Variants in BTBD9 observed in about 807,000 individuals in gnomAD.
BTBD9 encodes the protein BTB/POZ domain-containing protein 9.
Under a neutral mutation model 64.3 loss-of-function variants are expected in BTBD9, and 49 were observed. That is an observed-to-expected ratio of 0.76 (90% CI 0.61 to 0.97). The LOEUF (loss-of-function observed/expected upper bound fraction) is 0.97, where lower values mean the gene tolerates loss of function less well. BTBD9 is among the 50% of genes least tolerant of loss of function. BTBD9 has a pLI of 0.00. For missense variants in BTBD9, 598 were observed against 762.1 expected, an observed-to-expected ratio of 0.78 and a Z score of 2.53; for synonymous variants, 260 against 274.7, an observed-to-expected ratio of 0.95 and a Z score of 0.53.
chr6:38,203,369 A>G (rs1762529476), intron 9 of BTBD9, among the ~76,000 whole-genome samples: 1 of 152,178 alleles, frequency 6.6e-6, no homozygotes, highest in African/African-American at 2.4e-5. Flanking sequence ...CATGCAATCT[A>G]CCAAATGATC....
chr6:38,565,379 A>C (rs543150270), intron 6 of BTBD9, among the ~76,000 whole-genome samples: 13 of 152,290 alleles, frequency 8.5e-5, no homozygotes, highest in African/African-American at 2.9e-4. Context: ...CCCTCAAAAC[A>C]GTCTCCAGAC....
At chr6:38,327,824 A>G (rs1220222319) in intron 7 of BTBD9, among the ~76,000 whole-genome samples, 2 of 152,218 alleles carry the variant, frequency 1.3e-5, no homozygotes, top group African/African-American at 4.8e-5. Flanking sequence ...TTTGGTATCT[A>G]TCATCTAGAT....
intron 6 of BTBD9, among the ~76,000 whole-genome samples, chr6:38,492,612 A>G (rs1771752437): frequency 6.6e-6 from 1 of 152,184 alleles, no homozygotes; most frequent in East Asian, 1.9e-4. Context: ...AATAAACATA[A>G]TTTTTTATTT....
chr6:38,412,972 G>T (rs1158900650), intron 6 of BTBD9, among the ~76,000 whole-genome samples: 1 of 152,080 alleles, frequency 6.6e-6, no homozygotes, highest in Non-Finnish European at 1.5e-5. Context: ...GTTGCACATG[G>T]ACTATATAAA....
At chr6:38,619,066 ACT>A (rs1380820426) in intron 1 of BTBD9, among the ~76,000 whole-genome samples, 1 of 152,176 alleles carries the variant, frequency 6.6e-6, no homozygotes, top group Non-Finnish European at 1.5e-5. Flanking sequence ...GTCCACCATA[ACT>A]CAGGGAAAGG....
intron 6 of BTBD9, among the ~76,000 whole-genome samples, chr6:38,530,114 A>G (rs1490108524): frequency 6.6e-6 from 1 of 152,096 alleles, no homozygotes; most frequent in Admixed American, 6.6e-5. Flanking sequence ...TGAGATAAGG[A>G]CTGAGATACG....
chr6:38,417,815 C>T (rs751926572), intron 6 of BTBD9, among the ~76,000 whole-genome samples: 12 of 105,398 alleles, frequency 1.1e-4, no homozygotes, highest in Non-Finnish European at 2.3e-4. Flanking sequence ...AAAATATTGA[C>T]ACATAACTGG....
At chr6:38,356,118 G>A (rs940255957) in intron 6 of BTBD9, among the ~76,000 whole-genome samples, 2 of 151,790 alleles carry the variant, frequency 1.3e-5, no homozygotes, top group Admixed American at 6.6e-5. Flanking sequence ...ACCATGTCCT[G>A]CTCTTGGAGC....
At position 38,466,769 on chromosome 6, in the gene BTBD9, G is replaced by C. The variant is rs79493718; in HGVS notation, c.1154+110831C>G. Among the ~76,000 whole-genome samples, 968 of 152,082 alleles carry C rather than the reference G, an allele frequency of 6.4e-3. 7 individuals carry two copies. Among genetic ancestry groups the C allele is most frequent in the Non-Finnish European group, 9.9e-3 (672 of 67,968 alleles). ...ATTTTTGTATTTTTAGTGGAGAAAG[G>C]GTTCTGTAATGTTGGCCAGGCTGGT... On this transcript the variant is annotated intron_variant, in intron 6 of 10. Transcript: ENST00000481247.
intron 9 of BTBD9, among the ~76,000 whole-genome samples, chr6:38,212,368 G>A (rs1433820481): frequency 6.6e-6 from 1 of 152,204 alleles, no homozygotes; most frequent in East Asian, 1.9e-4. Flanking sequence ...GGGCTACTCT[G>A]GGCCAGCCTG....
intron 6 of BTBD9, among the ~76,000 whole-genome samples, chr6:38,469,445 C>A (rs116345219): frequency 6.6e-6 from 1 of 151,644 alleles, no homozygotes; most frequent in African/African-American, 2.4e-5. Context: ...CAGCCTCCAG[C>A]GTAGCTGGGA....
At chr6:38,503,023 T>C (rs753874123) in intron 6 of BTBD9, among the ~76,000 whole-genome samples, 4 of 152,140 alleles carry the variant, frequency 2.6e-5, no homozygotes, top group African/African-American at 9.7e-5. Flanking sequence ...TTGGTGGAAA[T>C]AGGGGAAAAC....
intron 6 of BTBD9, among the ~76,000 whole-genome samples, chr6:38,542,443 T>C (rs1214804434): frequency 6.6e-6 from 1 of 152,148 alleles, no homozygotes; most frequent in Non-Finnish European, 1.5e-5. Flanking sequence ...CTATCCATCA[T>C]GTTTGTCATT....
chr6:38,373,906 C>A (rs1040521143), intron 6 of BTBD9, among the ~76,000 whole-genome samples: 6 of 152,090 alleles, frequency 3.9e-5, no homozygotes, highest in Non-Finnish European at 8.8e-5. Flanking sequence ...AAAGGATATA[C>A]AGATATTAAG....
intron 6 of BTBD9, among the ~76,000 whole-genome samples, chr6:38,486,125 C>T (rs931527184): frequency 6.6e-6 from 1 of 152,328 alleles, no homozygotes; most frequent in Non-Finnish European, 1.5e-5. Flanking sequence ...TTGTTTTGCA[C>T]CTTCCGCACC....
rs1582217320 is a variant in BTBD9, at chr6:38,315,908, T to G, written c.1265-27447A>C. Among the ~76,000 whole-genome samples, 3 of 152,296 alleles carry G rather than the reference T, an allele frequency of 2.0e-5. No homozygotes were observed. The South Asian group carries it at 6.2e-4, about 32-fold the overall frequency. ...GATCGGTCCAATGCTGAAAGTGGGG[T>G]GCTGAAGTCTCTAGCTATCATTGTA... On this transcript the variant is annotated intron_variant, in intron 7 of 10. Transcript: ENST00000481247.
chr6:38,382,282 C>A (rs1231154600), intron 6 of BTBD9, among the ~76,000 whole-genome samples: 1 of 152,112 alleles, frequency 6.6e-6, no homozygotes. Context: ...TTAATCTCAA[C>A]TAATTGTGGT....
intron 10 of BTBD9, among the ~76,000 whole-genome samples, chr6:38,180,257 G>T (rs976156382): frequency 3.9e-5 from 6 of 152,252 alleles, no homozygotes; most frequent in African/African-American, 1.4e-4. Flanking sequence ...TGAAAAGCAA[G>T]CCTGTCGTGG....
chr6:38,571,158 T>C (rs540708759), intron 6 of BTBD9, among the ~76,000 whole-genome samples: 1 of 152,334 alleles, frequency 6.6e-6, no homozygotes, highest in African/African-American at 2.4e-5. Context: ...ATTTCTTGAA[T>C]TGTGAAGCTC....
Sources: gnomAD v4.1 joint callset for allele counts (sites outside exome capture counted in the v4.1 genomes callset) on GRCh38, gnomAD v4.1.1 for gene constraint, MANE v1.5 for transcripts, NCBI Gene and HGNC (gene_info 2026-07-23, HGNC 2026-07-21) for gene names.